Variants in NUP160 observed in about 807,000 individuals in gnomAD.
NUP160 encodes nucleoporin 160, also known as nuclear pore complex protein Nup160.
Under a neutral mutation model 196.9 loss-of-function variants are expected in NUP160, and 94 were observed. That is an observed-to-expected ratio of 0.48 (90% CI 0.40 to 0.57). NUP160 has a LOEUF of 0.57. Ranked by LOEUF, NUP160 falls within the 20% of genes least tolerant of loss-of-function variation. NUP160 has a pLI of 0.00. For synonymous variants in NUP160, 605 were observed against 619.7 expected (o/e 0.98, Z 0.35); for missense variants, 1,638 against 1,748.3 (o/e 0.94, Z 1.13).
chr11:47,809,302 A>G (rs940392745), intron 17 of NUP160, among the ~76,000 whole-genome samples: 2 of 151,012 alleles, frequency 1.3e-5, no homozygotes. Context: ...AGGGAAATCT[A>G]AATTCTCTCA....
chr11:47,793,722 G>GTTTTGT (rs2097669231), intron 27 of NUP160, among the ~76,000 whole-genome samples: 2 of 87,640 alleles, frequency 2.3e-5, no homozygotes, highest in Non-Finnish European at 4.3e-5. Context: ...TAAGATATCT[G>GTTTTGT]TTTTTTTTTT....
At chr11:47,778,792 A>C in exon 36 of NUP160, 1 of 207,360 alleles carries the variant, frequency 4.8e-6, no homozygotes, top group Non-Finnish European at 9.9e-6. Flanking sequence ...TGGAAAGTGA[A>C]GGTGAGTCTT....
chr11:47,835,882 T>C, intron 6 of NUP160, 73 bp from the exon 7 acceptor site: 4 of 1,192,804 alleles, frequency 3.4e-6, no homozygotes, highest in Non-Finnish European at 3.5e-6. Flanking sequence ...TTTGAAAGGA[T>C]GGACCTTTCA....
intron 35 of NUP160, 101 bp from the exon 36 acceptor site, chr11:47,779,295 A>G: frequency 1.4e-6 from 1 of 717,444 alleles, no homozygotes; most frequent in Non-Finnish European, 2.3e-6. Flanking sequence ...TCCACCTTAT[A>G]AAGATGTTAG....
At chr11:47,822,928 C>T (rs1317598196) in intron 7 of NUP160, among the ~76,000 whole-genome samples, 2 of 152,140 alleles carry the variant, frequency 1.3e-5, no homozygotes, top group East Asian at 3.8e-4. Flanking sequence ...CATAGTATTC[C>T]ATGGTGTATA....
chr11:47,814,511 A>G (rs2097683151), intron 13 of NUP160, among the ~76,000 whole-genome samples: 1 of 151,352 alleles, frequency 6.6e-6, no homozygotes, highest in African/African-American at 2.4e-5. Context: ...ACTGGACTCT[A>G]GCCTGGGCGA....
At chr11:47,807,571 G>A (rs933683234) in intron 18 of NUP160, among the ~76,000 whole-genome samples, 2 of 152,022 alleles carry the variant, frequency 1.3e-5, no homozygotes, top group African/African-American at 4.8e-5. Context: ...GGAAGCTGAG[G>A]CAGCAATATT....
At chr11:47,836,815 G>C (rs1022199083) in intron 6 of NUP160, 72 bp downstream of exon 6, 3 of 923,398 alleles carry the variant, frequency 3.2e-6, no homozygotes, top group Non-Finnish European at 5.2e-6. Flanking sequence ...TAGAGAAACA[G>C]CAAAATTTAC....
chr11:47,819,422 C>G, exon 10 of NUP160: 1 of 1,613,670 alleles, frequency 6.2e-7, no homozygotes. Flanking sequence ...CTGGCAGAGG[C>G]TGCATAAAAA....
intron 33 of NUP160, 135 bp downstream of exon 33, chr11:47,784,787 C>T: frequency 1.8e-6 from 1 of 562,312 alleles, no homozygotes; most frequent in Non-Finnish European, 2.9e-6. Flanking sequence ...AGCCATCCTC[C>T]CCTGTTGGCC....
At chr11:47,818,076 C>T (rs1487703756) in exon 11 of NUP160, 1 of 1,611,136 alleles carries the variant, frequency 6.2e-7, no homozygotes. Context: ...TTACATAAAG[C>T]TTCATTTGTG....
At chr11:47,845,668 C>T (rs528519112) in intron 2 of NUP160, among the ~76,000 whole-genome samples, 1 of 152,254 alleles carries the variant, frequency 6.6e-6, no homozygotes, top group South Asian at 2.1e-4. Flanking sequence ...TCCCTAAAAA[C>T]GGACTGAAAT....
intron 20 of NUP160, among the ~76,000 whole-genome samples, chr11:47,805,317 G>C (rs1363740182): frequency 2.6e-5 from 4 of 152,038 alleles, no homozygotes; most frequent in African/African-American, 9.7e-5. Flanking sequence ...TTTTTGTAGA[G>C]GCGAGGTTTC....
intron 22 of NUP160, 52 bp from the exon 23 acceptor site, chr11:47,801,982 T>C: frequency 6.3e-7 from 1 of 1,589,830 alleles, no homozygotes; most frequent in South Asian, 1.1e-5. Flanking sequence ...AAATTCTAGG[T>C]GCTATGAATC....
chr11:47,835,095 C>T (rs1185467601), intron 7 of NUP160, among the ~76,000 whole-genome samples: 1 of 152,078 alleles, frequency 6.6e-6, no homozygotes, highest in African/African-American at 2.4e-5. Flanking sequence ...GGGAGACAGA[C>T]CCTACCTCAC....
intron 17 of NUP160, 43 bp downstream of exon 17, chr11:47,812,021 A>G: frequency 1.2e-6 from 2 of 1,603,050 alleles, no homozygotes; most frequent in Non-Finnish European, 1.7e-6. Flanking sequence ...TAGGCCTATA[A>G]CAGGTTTTAG....
chr11:47,834,395 T>C (rs553159302), intron 7 of NUP160, among the ~76,000 whole-genome samples: 94 of 152,148 alleles, frequency 6.2e-4, no homozygotes, highest in Non-Finnish European at 1.1e-3. Context: ...AGGAGATGGA[T>C]AGGTATGTTC....
chr11:47,810,622 C>T (rs1488140616), intron 17 of NUP160, among the ~76,000 whole-genome samples: 4 of 151,646 alleles, frequency 2.6e-5, no homozygotes, highest in African/African-American at 9.7e-5. Context: ...TCTTGCCTCA[C>T]TGCAAACTCT....
At chr11:47,844,965 C>T (rs1157668636) in intron 2 of NUP160, among the ~76,000 whole-genome samples, 1 of 152,172 alleles carries the variant, frequency 6.6e-6, no homozygotes, top group African/African-American at 2.4e-5. Flanking sequence ...GCTACACTCC[C>T]ATCAACGCCA....
Sources: allele counts gnomAD v4.1 joint callset (sites outside exome capture counted in the v4.1 genomes callset), GRCh38; gene constraint gnomAD v4.1.1; transcripts MANE v1.5; gene names NCBI Gene and HGNC (gene_info 2026-07-23, HGNC 2026-07-21).